The following GRIA3 variants were observed in gnomAD, a reference collection of about 807,000 sequenced individuals.
GRIA3 encodes the protein glutamate receptor 3.
Under a neutral mutation model 63.0 loss-of-function variants are expected in GRIA3, and 3 were observed. That is an observed-to-expected ratio of 0.05 (90% CI 0.02 to 0.12). GRIA3 has a LOEUF of 0.12. GRIA3 is among the 10% of genes least tolerant of loss of function. The pLI, the probability that GRIA3 is intolerant of heterozygous loss-of-function variation, is 1.00. For synonymous variants in GRIA3, 274 were observed against 257.9 expected (o/e 1.06, Z -0.60); for missense variants, 347 against 700.9 (o/e 0.50, Z 5.70).
chrX:123,285,810 A>G (rs540831430), intron 3 of GRIA3, among the ~76,000 whole-genome samples: 4 of 110,742 alleles, frequency 3.6e-5, no homozygotes, highest in African/African-American at 1.3e-4. Context: ...CTCCCACACA[A>G]TAACAGTGGG....
intron 3 of GRIA3, among the ~76,000 whole-genome samples, chrX:123,259,827 C>T (rs1193535360): frequency 9.0e-6 from 1 of 111,676 alleles, no homozygotes; most frequent in Non-Finnish European, 1.9e-5. Flanking sequence ...TGACATACTG[C>T]CTCCTACATT....
rs2147381052 is a variant in GRIA3 at position 123,398,631 on chromosome X, T to G, written c.913-5T>G. 1 of 1,196,939 alleles carries G rather than the reference T, an allele frequency of 8.4e-7. No homozygotes were observed. Among genetic ancestry groups the G allele is most frequent in the East Asian group, 3.0e-5 (1 of 33,741 alleles). ...GATATCTTGTTTTTCATGCATCCATTTCAGTATACATCTGCATTGACACAC... is the reference window on the plus strand; with the variant it reads ...GATATCTTGTTTTTCATGCATCCATGTCAGTATACATCTGCATTGACACAC... On this transcript the variant is annotated splice_polypyrimidine_tract_variant and splice_region_variant and intron_variant, in intron 6 of 15. Coordinates refer to ENST00000620443, the MANE Select transcript of GRIA3 (RefSeq NM_007325.5).
chrX:123,221,749 C>T (rs996696053), intron 2 of GRIA3, among the ~76,000 whole-genome samples: 4 of 111,561 alleles, frequency 3.6e-5, no homozygotes, highest in Admixed American at 9.5e-5. Flanking sequence ...AGGCATGCAG[C>T]TCATAACAAG....
chrX:123,431,209 G>GGCCA (rs1006229658), intron 12 of GRIA3, among the ~76,000 whole-genome samples: 3 of 111,922 alleles, frequency 2.7e-5, no homozygotes, highest in African/African-American at 9.7e-5. Context: ...GACAGCCTAG[G>GGCCA]GCCAGCCCTC....
rs771388036 is a variant in GRIA3 at position 123,293,303 on chromosome X, CAG to C, written c.509-32720_509-32719del. Among the ~76,000 whole-genome samples, 31 of 111,501 alleles carry C rather than the reference CAG, an allele frequency of 2.8e-4. No homozygotes were observed. In the South Asian group the frequency reaches 0.01, roughly 37 times the overall value. On this transcript the variant is annotated intron_variant, in intron 3 of 15. Coordinates refer to ENST00000620443, the MANE Select transcript of GRIA3 (RefSeq NM_007325.5). The stretch of plus-strand genomic sequence containing the variant: ...ATTTAGACCCATTTCTTAAATGATG[CAG>C]AGTGTTACAAAGCACCCAGTATAGT...
intron 3 of GRIA3, among the ~76,000 whole-genome samples, chrX:123,298,650 G>A (rs2044701049): frequency 9.0e-6 from 1 of 110,889 alleles, no homozygotes; most frequent in South Asian, 3.8e-4. Context: ...CAGACTCATA[G>A]TTTGCAAAAA....
intron 6 of GRIA3, among the ~76,000 whole-genome samples, chrX:123,395,816 G>A (rs750190780): frequency 1.8e-5 from 2 of 111,002 alleles, no homozygotes; most frequent in Non-Finnish European, 1.9e-5. Flanking sequence ...CTACACAAAG[G>A]ACCCTTCAAA....
At chrX:123,225,338 C>T (rs768347453) in intron 2 of GRIA3, among the ~76,000 whole-genome samples, 19 of 112,053 alleles carry the variant, frequency 1.7e-4, no homozygotes, top group Middle Eastern at 4.2e-3. Context: ...TTGCACGGAG[C>T]GAGTACCCAA....
chrX:123,373,435 C>T (rs1028192463), intron 5 of GRIA3, among the ~76,000 whole-genome samples: 13 of 111,708 alleles, frequency 1.2e-4, no homozygotes, highest in African/African-American at 3.3e-4. Context: ...CCTGAGGAAT[C>T]GCCACTGTCT....
At chrX:123,441,419 G>A (rs999308861) in intron 12 of GRIA3, among the ~76,000 whole-genome samples, 1 of 111,521 alleles carries the variant, frequency 9.0e-6, no homozygotes, top group Non-Finnish European at 1.9e-5. Context: ...AGACTGCCAA[G>A]GGTAAACTGG....
At chrX:123,286,202 T>C (rs1465250051) in intron 3 of GRIA3, among the ~76,000 whole-genome samples, 1 of 111,541 alleles carries the variant, frequency 9.0e-6, no homozygotes, top group African/African-American at 3.3e-5. Context: ...CAGAAATAAA[T>C]AAGTTCTTTG....
chrX:123,218,396 T>G (rs927228761), intron 2 of GRIA3, among the ~76,000 whole-genome samples: 2 of 111,980 alleles, frequency 1.8e-5, no homozygotes, highest in African/African-American at 6.5e-5. Flanking sequence ...TCTAGTCGAG[T>G]TTTGAGTTCT....
chrX:123,315,469 A>G (rs1190894724), intron 3 of GRIA3, among the ~76,000 whole-genome samples: 1 of 112,483 alleles, frequency 8.9e-6, no homozygotes, highest in Non-Finnish European at 1.9e-5. Context: ...AGTTAAAACA[A>G]AAACAAACAA....
At chrX:123,235,874 C>G (rs1343283683) in intron 2 of GRIA3, among the ~76,000 whole-genome samples, 1 of 109,724 alleles carries the variant, frequency 9.1e-6, no homozygotes, top group Non-Finnish European at 1.9e-5. Flanking sequence ...CAAAAAATAC[C>G]TTCATTAAAA....
At chrX:123,276,809 G>A (rs2044557163) in intron 3 of GRIA3, among the ~76,000 whole-genome samples, 1 of 111,344 alleles carries the variant, frequency 9.0e-6, no homozygotes. Flanking sequence ...ACTGCCTCTA[G>A]AGCTGTACCT....
At chrX:123,201,000 T>C (rs1927725930) in intron 2 of GRIA3, among the ~76,000 whole-genome samples, 1 of 112,035 alleles carries the variant, frequency 8.9e-6, no homozygotes, top group South Asian at 3.7e-4. Context: ...GCTTAACCCC[T>C]CTAAATCTCA....
At chrX:123,421,020 G>A (rs1355711422) in intron 11 of GRIA3, among the ~76,000 whole-genome samples, 2 of 110,481 alleles carry the variant, frequency 1.8e-5, no homozygotes, top group South Asian at 3.8e-4. Context: ...CTTACAATGT[G>A]CAATGCACTC....
chrX:123,186,715 T>C, intron 2 of GRIA3, among the ~76,000 whole-genome samples: 1 of 111,408 alleles, frequency 9.0e-6, no homozygotes, highest in Middle Eastern at 4.6e-3. Flanking sequence ...TCCCCTAGTG[T>C]TGTTCACCCC....
chrX:123,313,621 T>G (rs1305634190), intron 3 of GRIA3, among the ~76,000 whole-genome samples: 2 of 111,644 alleles, frequency 1.8e-5, no homozygotes, highest in Admixed American at 1.9e-4. Context: ...TTAAGAGGTT[T>G]ATCTTGGCCT....
Sources: gnomAD v4.1 joint callset for allele counts (sites outside exome capture counted in the v4.1 genomes callset) on GRCh38, gnomAD v4.1.1 for gene constraint, MANE v1.5 for transcripts, NCBI Gene and HGNC (gene_info 2026-07-23, HGNC 2026-07-21) for gene names.